Variants in DOCK5 observed in about 807,000 individuals in gnomAD.
DOCK5 encodes dedicator of cytokinesis 5.
A neutral mutation model predicts 251.8 loss-of-function variants in DOCK5; 142 were observed. That is an observed-to-expected ratio of 0.56 (90% CI 0.49 to 0.65). DOCK5 has a LOEUF of 0.65. Among genes scored for constraint, DOCK5 ranks in the 30% least tolerant of loss-of-function variants. DOCK5 has a pLI of 0.00. For missense variants in DOCK5, 2,111 were observed against 2,312.3 expected (o/e 0.91, Z 1.79); for synonymous variants, 842 against 835.5 (o/e 1.01, Z -0.13).
At position 25,302,343 on chromosome 8, in the gene DOCK5, C is replaced by T. The variant is rs1804787861; in HGVS notation, c.865C>T (p.Leu289Phe). 1 of 1,612,210 alleles carries T rather than the reference C, an allele frequency of 6.2e-7. No homozygotes were observed. The highest frequency in any genetic ancestry group is 1.7e-5 in the Admixed American group (1 of 59,698). ...CCTTTAGGACCTTAGCAGCATGGAC[C>T]TCATCCGGCCCCGCGTCAGCCTTGT... Reference protein sequence around the residue: ...AVFTDLSSMDLIRPRVSLVCQ... With the variant: ...AVFTDLSSMDFIRPRVSLVCQ... The change falls in exon 10 of 52, where the codon CTC becomes TTC. Residue 289 changes from leucine to phenylalanine, a missense_variant. Leu to Phe is a conservative substitution (Grantham distance 22). Around this residue, in one of 3 missense-constraint regions of DOCK5, gnomAD observed 59 missense variants for 95.0 expected, o/e 0.62. Coordinates refer to ENST00000276440, the MANE Select transcript of DOCK5 (RefSeq NM_024940.8).
At chr8:25,224,145 G>A (rs1350603872) in intron 1 of DOCK5, among the ~76,000 whole-genome samples, 2 of 152,100 alleles carry the variant, frequency 1.3e-5, no homozygotes, top group South Asian at 4.1e-4. Context: ...CTGAGACAGA[G>A]TCTTGCTCTC....
chr8:25,279,274 G>A (rs1357712247), intron 5 of DOCK5, among the ~76,000 whole-genome samples: 1 of 152,078 alleles, frequency 6.6e-6, no homozygotes, highest in Non-Finnish European at 1.5e-5. Flanking sequence ...AGTTCACAGG[G>A]AAATTACAAG....
chr8:25,408,997 C>T (rs1801571840), intron 50 of DOCK5, 57 bp downstream of exon 50: 1 of 1,608,132 alleles, frequency 6.2e-7, no homozygotes, highest in Admixed American at 1.7e-5. Flanking sequence ...TATGTTTATG[C>T]ATCTGGGCAG....
intron 22 of DOCK5, among the ~76,000 whole-genome samples, chr8:25,337,554 T>G (rs1329510693): frequency 1.3e-5 from 2 of 151,782 alleles, no homozygotes; most frequent in Non-Finnish European, 2.9e-5. Context: ...ATGTAGGGTA[T>G]GTTAATGAGG....
chr8:25,291,783 T>C (rs1391113696), intron 5 of DOCK5, among the ~76,000 whole-genome samples: 1 of 147,596 alleles, frequency 6.8e-6, no homozygotes, highest in African/African-American at 2.5e-5. Flanking sequence ...TGAGACCCTG[T>C]CTCTACTTGA....
At chr8:25,214,518 C>G (rs185170256) in intron 1 of DOCK5, among the ~76,000 whole-genome samples, 3 of 152,160 alleles carry the variant, frequency 2.0e-5, no homozygotes, top group Admixed American at 2.0e-4. Context: ...TCCTATTTAC[C>G]TCTTCAACAT....
At chr8:25,238,677 C>T (rs1413150286) in intron 1 of DOCK5, among the ~76,000 whole-genome samples, 3 of 152,200 alleles carry the variant, frequency 2.0e-5, no homozygotes, top group African/African-American at 7.2e-5. Context: ...GTAACCCTTT[C>T]TTGAGTGATG....
At position 25,390,189 on chromosome 8, in the gene DOCK5, C is replaced by A. The variant is rs773582527; in HGVS notation, c.4274-17C>A. 6.4e-7 allele frequency: 1 copy of A among 1,570,284 alleles called. No homozygotes were observed. ...TCACGACCCCAGCCCCTCTCCTTTCCTTAACGAGCTCTTCAGACATGCAGT... is the reference window on the plus strand; with the variant it reads ...TCACGACCCCAGCCCCTCTCCTTTCATTAACGAGCTCTTCAGACATGCAGT... On this transcript the variant is annotated splice_polypyrimidine_tract_variant and intron_variant, in intron 41 of 51. Transcript: ENST00000276440.
intron 2 of DOCK5, among the ~76,000 whole-genome samples, chr8:25,257,051 G>T (rs1803438903): frequency 6.6e-6 from 1 of 151,984 alleles, no homozygotes; most frequent in African/African-American, 2.4e-5. Flanking sequence ...CTCAGCTTTG[G>T]TTGTTGGCAG....
chr8:25,390,358 A>C, intron 42 of DOCK5, 71 bp downstream of exon 42: 14 of 1,341,298 alleles, frequency 1.0e-5, no homozygotes, highest in Non-Finnish European at 1.3e-5. Flanking sequence ...TATAATCTCA[A>C]CATTTTCCGA....
At chr8:25,234,287 G>T (rs1355531956) in intron 1 of DOCK5, among the ~76,000 whole-genome samples, 1 of 152,158 alleles carries the variant, frequency 6.6e-6, no homozygotes, top group Non-Finnish European at 1.5e-5. Flanking sequence ...CTATTCCTTA[G>T]TGATGATTTC....
rs923309748 is a variant in DOCK5, at chr8:25,297,188, G to A, written c.606+540G>A. Among the ~76,000 whole-genome samples the A allele has an allele frequency of 2.6e-5, 4 of 152,092 alleles. No homozygotes were observed. The East Asian group carries it at 5.8e-4, about 22-fold the overall frequency. Reference sequence around the variant, plus strand: ...CAGCTCACTGCAACCTCTGCTTCCCGGGTTCAAGCAATTCTCCTGCCTCAG... The same window carrying A: ...CAGCTCACTGCAACCTCTGCTTCCCAGGTTCAAGCAATTCTCCTGCCTCAG... On this transcript the variant is annotated intron_variant, in intron 7 of 51. Transcript: ENST00000276440.
At chr8:25,265,761 A>G (rs1372166664) in intron 2 of DOCK5, among the ~76,000 whole-genome samples, 3 of 151,988 alleles carry the variant, frequency 2.0e-5, no homozygotes, top group Non-Finnish European at 4.4e-5. Flanking sequence ...TGTTGGACAG[A>G]AAGTGTGCAG....
intron 2 of DOCK5, among the ~76,000 whole-genome samples, chr8:25,258,497 T>A (rs561011249): frequency 1.3e-5 from 2 of 152,272 alleles, no homozygotes; most frequent in East Asian, 3.9e-4. Context: ...CCAGGCCTTT[T>A]GGTGTCACAC....
At chr8:25,252,884 T>G (rs1278302226) in intron 2 of DOCK5, among the ~76,000 whole-genome samples, 1 of 152,150 alleles carries the variant, frequency 6.6e-6, no homozygotes, top group East Asian at 1.9e-4. Context: ...CAGGCTGGAG[T>G]GCAGTGGTGC....
chr8:25,319,438 C>T, intron 14 of DOCK5, 140 bp from the exon 15 acceptor site: 1 of 530,578 alleles, frequency 1.9e-6, no homozygotes, highest in Non-Finnish European at 3.3e-6. Context: ...CTTCATCCCC[C>T]AAACTTAATC....
At chr8:25,297,270 ATT>A (rs1311282663) in intron 7 of DOCK5, among the ~76,000 whole-genome samples, 8 of 113,182 alleles carry the variant, frequency 7.1e-5, no homozygotes, top group Admixed American at 8.9e-5. Flanking sequence ...AATTTTTGTA[ATT>A]TTTTTTTTTT....
intron 2 of DOCK5, among the ~76,000 whole-genome samples, chr8:25,246,828 A>AGTGTG (rs1803130833): frequency 6.6e-6 from 1 of 150,668 alleles, no homozygotes; most frequent in Non-Finnish European, 1.5e-5. Context: ...TGTCCTACAG[A>AGTGTG]GTGTGGGAGG....
rs188232829 is a variant in DOCK5, at chr8:25,212,858, T to G, written c.43+27907T>G. 1.8e-3 allele frequency among the ~76,000 whole-genome samples: 125 copies of G among 69,244 alleles called. 36 individuals carry two copies. The highest frequency in any genetic ancestry group is 3.2e-3 in the African/African-American group (97 of 30,624). 45.4% of individuals were successfully genotyped at this position (69,244 alleles called of 152,430 possible). On this transcript the variant is annotated intron_variant, in intron 1 of 51. Coordinates refer to ENST00000276440, the MANE Select transcript of DOCK5 (RefSeq NM_024940.8). The stretch of plus-strand genomic sequence containing the variant: ...GCAGGGAAATGCTCAGGAAATAGAT[T>G]AAGGCACGAGGGCTTGGCGTGGCTT...
Sources: gnomAD v4.1 joint callset for allele counts (sites outside exome capture counted in the v4.1 genomes callset) on GRCh38, gnomAD v4.1.1 for gene constraint, gnomAD v4.1.1 regional missense constraint, MANE v1.5 for transcripts, NCBI Gene and HGNC (gene_info 2026-07-23, HGNC 2026-07-21) for gene names.